LIMCH1: variants seen among roughly 807,000 people sequenced by gnomAD.
LIMCH1 encodes the protein LIM and calponin homology domains-containing protein 1.
Under a neutral mutation model 176.5 loss-of-function variants are expected in LIMCH1, and 113 were observed. The ratio of observed to expected loss-of-function variants is 0.64; its 90% CI spans 0.55 to 0.75. The LOEUF is 0.75. LIMCH1 is among the 30% of genes least tolerant of loss of function. LIMCH1 has a pLI of 0.00. For missense variants in LIMCH1, 1,674 were observed against 1,814.9 expected (o/e 0.92, Z 1.41); for synonymous variants, 619 against 645.9 (o/e 0.96, Z 0.63).
chr4:41,453,909 C>T (rs576471687), intron 1 of LIMCH1, among the ~76,000 whole-genome samples: 1 of 152,270 alleles, frequency 6.6e-6, no homozygotes, highest in East Asian at 1.9e-4. Context: ...TTTTTCCACG[C>T]TTCTGTTCGT....
intron 1 of LIMCH1, among the ~76,000 whole-genome samples, chr4:41,429,604 G>A (rs1047681555): frequency 6.6e-6 from 1 of 152,206 alleles, no homozygotes; most frequent in Non-Finnish European, 1.5e-5. Flanking sequence ...AAAAAGGATG[G>A]TGAGGTCCGC....
chr4:41,372,188 A>G (rs1258253595), intron 1 of LIMCH1, among the ~76,000 whole-genome samples: 10 of 151,990 alleles, frequency 6.6e-5, no homozygotes, highest in Non-Finnish European at 1.5e-5. Context: ...CCCTTCCACC[A>G]TGCGCTCTTG....
intron 1 of LIMCH1, among the ~76,000 whole-genome samples, chr4:41,451,844 C>G (rs1396069769): frequency 6.6e-6 from 1 of 152,130 alleles, no homozygotes; most frequent in Non-Finnish European, 1.5e-5. Context: ...TTATTCTGCA[C>G]AAAATTTCAT....
chr4:41,375,103 C>A (rs2054537352), intron 1 of LIMCH1, among the ~76,000 whole-genome samples: 1 of 152,010 alleles, frequency 6.6e-6, no homozygotes, highest in Non-Finnish European at 1.5e-5. Context: ...GAGGCTACCA[C>A]CAATTGTTAC....
chr4:41,644,479 G>T (rs2093977872), intron 14 of LIMCH1, 21 bp from the exon 15 acceptor site: 2 of 1,512,588 alleles, frequency 1.3e-6, no homozygotes, highest in Non-Finnish European at 1.8e-6. Flanking sequence ...TCCCTCTTGT[G>T]TTCGCTCTCT....
chr4:41,612,819 GA>G (rs2091595268), intron 4 of LIMCH1: 1 of 1,154,662 alleles, frequency 8.7e-7, no homozygotes, highest in African/African-American at 1.6e-5. Context: ...GAGGCATCAG[GA>G]AAAGCGTTTT....
At chr4:41,435,424 A>C (rs2061986915) in intron 1 of LIMCH1, among the ~76,000 whole-genome samples, 1 of 152,218 alleles carries the variant, frequency 6.6e-6, no homozygotes, top group Admixed American at 6.5e-5. Context: ...TCTGGACATT[A>C]AATTTCCTAC....
intron 18 of LIMCH1, among the ~76,000 whole-genome samples, chr4:41,653,376 A>T (rs6447102): frequency 7.9e-5 from 12 of 151,294 alleles, no homozygotes; most frequent in Non-Finnish European, 1.5e-4. Flanking sequence ...ATGGCAAAAT[A>T]TGGTGACCAG....
At chr4:41,409,265 A>T (rs1189357748) in intron 1 of LIMCH1, among the ~76,000 whole-genome samples, 2 of 152,200 alleles carry the variant, frequency 1.3e-5, no homozygotes, top group Non-Finnish European at 2.9e-5. Context: ...TGTTTGGCTC[A>T]TTATGACTCA....
chr4:41,467,178 C>CTGT (rs2066271377), intron 1 of LIMCH1, among the ~76,000 whole-genome samples: 1 of 148,364 alleles, frequency 6.7e-6, no homozygotes, highest in Non-Finnish European at 1.5e-5. Flanking sequence ...CACACACACA[C>CTGT]ACACACACAC....
intron 2 of LIMCH1, among the ~76,000 whole-genome samples, chr4:41,603,370 C>T (rs1246627097): frequency 1.3e-5 from 2 of 152,092 alleles, no homozygotes; most frequent in Non-Finnish European, 2.9e-5. Context: ...ATGGCTTATT[C>T]CCAGTGCTAA....
intron 1 of LIMCH1, among the ~76,000 whole-genome samples, chr4:41,464,362 CTTTTTTTCTTTTT>C (rs1053864314): frequency 2.8e-4 from 42 of 148,388 alleles, no homozygotes; most frequent in Non-Finnish European, 5.0e-4. Context: ...TTTTCCTTTT[CTTTTTTTCTTTTT>C]TTTTTTTTTC....
intron 1 of LIMCH1, among the ~76,000 whole-genome samples, chr4:41,419,657 CTTCCTTCCTTCCTTCCTTCCTTCCTCCT>C (rs2060376384): frequency 1.3e-5 from 1 of 75,342 alleles, no homozygotes; most frequent in African/African-American, 7.1e-5. Context: ...TTCCTCCTTC[CTTCCTTCCTTCCTTCCTTCCTTCCTCCT>C]TCCTTCCTTC....
intron 31 of LIMCH1, among the ~76,000 whole-genome samples, chr4:41,693,709 C>T (rs1000691570): frequency 2.0e-5 from 3 of 152,010 alleles, no homozygotes; most frequent in Admixed American, 6.6e-5. Flanking sequence ...ACTCTTTTCT[C>T]CCAGATTTCA....
chr4:41,627,535 A>G (rs2093048412), intron 8 of LIMCH1, among the ~76,000 whole-genome samples: 1 of 152,262 alleles, frequency 6.6e-6, no homozygotes, highest in African/African-American at 2.4e-5. Flanking sequence ...TAGACAAATG[A>G]TAATGGATAT....
chr4:41,630,477 C>G (rs995479749), intron 9 of LIMCH1, among the ~76,000 whole-genome samples: 2 of 152,144 alleles, frequency 1.3e-5, no homozygotes, highest in Non-Finnish European at 2.9e-5. Flanking sequence ...TTAAACTTGA[C>G]TTTCAAATAA....
intron 1 of LIMCH1, among the ~76,000 whole-genome samples, chr4:41,384,907 T>C (rs2056281253): frequency 1.3e-5 from 2 of 152,112 alleles, no homozygotes; most frequent in South Asian, 4.1e-4. Context: ...AGAGGAAATC[T>C]AGGAATTTAA....
intron 22 of LIMCH1, among the ~76,000 whole-genome samples, chr4:41,673,998 C>A (rs1012692250): frequency 1.3e-5 from 2 of 152,174 alleles, no homozygotes; most frequent in African/African-American, 4.8e-5. Context: ...AGCTGGTAAC[C>A]CCGCCCTGGC....
intron 1 of LIMCH1, among the ~76,000 whole-genome samples, chr4:41,406,600 A>C (rs959645095): frequency 6.6e-6 from 1 of 152,166 alleles, no homozygotes; most frequent in East Asian, 1.9e-4. Flanking sequence ...TATTAATGGA[A>C]AAAAATTATT....
Sources: gnomAD v4.1 joint callset for allele counts (sites outside exome capture counted in the v4.1 genomes callset) on GRCh38, gnomAD v4.1.1 for gene constraint, MANE v1.5 for transcripts, NCBI Gene and HGNC (gene_info 2026-07-23, HGNC 2026-07-21) for gene names.